CDH23: variants seen among roughly 807,000 people sequenced by gnomAD.
The protein encoded by CDH23 is cadherin-23.
Under a neutral mutation model 317.1 loss-of-function variants are expected in CDH23, and 189 were observed. That is an observed-to-expected ratio of 0.60 (90% CI 0.53 to 0.67). CDH23 has a LOEUF of 0.67. Ranked by LOEUF, CDH23 falls within the 30% of genes least tolerant of loss-of-function variation. CDH23 has a pLI of 0.00. For missense variants in CDH23, 4,401 were observed against 4,592.4 expected, an observed-to-expected ratio of 0.96 and a Z score of 1.20; for synonymous variants, 1,839 against 1,876.8, an observed-to-expected ratio of 0.98 and a Z score of 0.52.
intron 3 of CDH23, among the ~76,000 whole-genome samples, chr10:71,485,374 AG>A (rs2132125786): frequency 6.6e-6 from 1 of 152,216 alleles, no homozygotes; most frequent in East Asian, 1.9e-4. Context: ...GTGGTTGCAG[AG>A]TTGGTTGGCT....
chr10:71,461,622 A>G (rs1036647126), intron 3 of CDH23, among the ~76,000 whole-genome samples: 3 of 152,112 alleles, frequency 2.0e-5, no homozygotes, highest in Non-Finnish European at 4.4e-5. Context: ...GTACATCTCC[A>G]TGCACGGTCC....
chr10:71,665,968 T>G (rs1241698212), intron 14 of CDH23, among the ~76,000 whole-genome samples: 1 of 152,220 alleles, frequency 6.6e-6, no homozygotes, highest in Non-Finnish European at 1.5e-5. Context: ...GATTGAGAGA[T>G]ATTCTGAGGC....
intron 44 of CDH23, 85 bp downstream of exon 44, chr10:71,785,823 T>C: frequency 1.2e-6 from 1 of 842,212 alleles, no homozygotes; most frequent in Non-Finnish European, 2.0e-6. Flanking sequence ...GCAGGCAGCA[T>C]AGCCAGGCTT....
chr10:71,449,488 T>C (rs987039737), intron 3 of CDH23, among the ~76,000 whole-genome samples: 8 of 152,162 alleles, frequency 5.3e-5, no homozygotes, highest in South Asian at 2.1e-4. Context: ...CTAATTCTGA[T>C]TGCTGGAGCC....
chr10:71,608,000 T>C (rs1169105385), intron 9 of CDH23, among the ~76,000 whole-genome samples: 1 of 152,236 alleles, frequency 6.6e-6, no homozygotes, highest in African/African-American at 2.4e-5. Flanking sequence ...ATAAGTGCCT[T>C]ACGTACATGA....
chr10:71,442,194 A>G (rs1849921114), intron 2 of CDH23, among the ~76,000 whole-genome samples: 3 of 152,234 alleles, frequency 2.0e-5, no homozygotes, highest in South Asian at 4.1e-4. Flanking sequence ...CAGCAATTCT[A>G]TGCCAAAGCG....
At chr10:71,459,960 C>T (rs1850897840) in intron 3 of CDH23, among the ~76,000 whole-genome samples, 1 of 152,202 alleles carries the variant, frequency 6.6e-6, no homozygotes, top group Admixed American at 6.5e-5. Context: ...TCCTGGTCAC[C>T]TTCCTGTGTT....
chr10:71,405,892 G>A (rs919076178), intron 1 of CDH23, among the ~76,000 whole-genome samples: 2 of 152,104 alleles, frequency 1.3e-5, no homozygotes, highest in Non-Finnish European at 2.9e-5. Context: ...CCCAACCTCC[G>A]TCTAGTTGGT....
At chr10:71,631,378 G>A (rs576482856) in intron 11 of CDH23, among the ~76,000 whole-genome samples, 5 of 152,206 alleles carry the variant, frequency 3.3e-5, no homozygotes, top group Non-Finnish European at 5.9e-5. Context: ...GGGGAGATGA[G>A]GATGACTGAG....
chr10:71,650,328 A>G (rs1033840779), intron 14 of CDH23, among the ~76,000 whole-genome samples: 5 of 152,344 alleles, frequency 3.3e-5, no homozygotes, highest in South Asian at 2.1e-4. Context: ...CTGTGAGGAA[A>G]GGTCCCCTGG....
rs2132819840 is a variant in CDH23 at position 71,730,489 on chromosome 10, C to T, written c.3600C>T (p.Asp1200=). ...SSVRVIVYVE[D]INDEAPVFTQ... ...CACAGGTGATTGTGTACGTGGAGGA[C>T]ATCAACGATGAGGCCCCCGTGTTCA... The change falls in exon 31 of 70, where the codon GAC becomes GAT. Residue 1200 remains aspartate, a synonymous_variant. Coordinates refer to ENST00000224721, the MANE Select transcript of CDH23 (RefSeq NM_022124.6). 6.2e-7 allele frequency: 1 copy of T among 1,613,874 alleles called. No individual in the cohort carries two copies. Among genetic ancestry groups the T allele is most frequent in the Non-Finnish European group, 8.5e-7 (1 of 1,179,878 alleles).
At chr10:71,682,335 G>A in intron 17 of CDH23, 110 bp from the exon 18 acceptor site, 1 of 1,421,906 alleles carries the variant, frequency 7.0e-7, no homozygotes, top group Non-Finnish European at 9.6e-7. Flanking sequence ...ACAAGCCAGA[G>A]CTGGCCCGGG....
chr10:71,814,693 C>CA lies in CDH23; in HGVS notation c.9739-257dup, dbSNP rs1554878673. Among the ~76,000 whole-genome samples the CA allele has an allele frequency of 1.5e-3, 182 of 120,334 alleles. 2 individuals are homozygous for CA. In the East Asian group the frequency reaches 0.019, roughly 13 times the overall value. 78.9% of individuals were successfully genotyped at this position (120,334 alleles called of 152,430 possible). A position where few individuals can be genotyped will look rare whatever the true frequency, so the allele number is the denominator to read the frequency against. ...CACAAGAAGCCGATACACACACACA[C>CA]AATTTTCACAAGAAGCCGATACACA... On this transcript the variant is annotated intron_variant, in intron 69 of 69. Transcript: ENST00000224721.
chr10:71,535,056 G>C lies in CDH23; in HGVS notation c.429+23844G>C, dbSNP rs149554586. Among the ~76,000 whole-genome samples, 65 of 152,350 alleles carry C rather than the reference G, an allele frequency of 4.3e-4. 1 individual carries two copies. In the East Asian group the frequency reaches 0.012, roughly 28 times the overall value. ...GCCTGTGCCCTCCGCGGCTCTTCAGGGAAGCATGGCTGACTGCCTGCTCCA... is the reference window on the plus strand; with the variant it reads ...GCCTGTGCCCTCCGCGGCTCTTCAGCGAAGCATGGCTGACTGCCTGCTCCA... On this transcript the variant is annotated intron_variant, in intron 6 of 69. Transcript: ENST00000224721.
intron 66 of CDH23, 37 bp from the exon 67 acceptor site, chr10:71,812,443 T>TACCCA: frequency 6.5e-7 from 1 of 1,538,034 alleles, no homozygotes; most frequent in Non-Finnish European, 8.9e-7. Flanking sequence ...ACTCGAGCCT[T>TACCCA]CCCTCCCTCC....
chr10:71,586,748 A>T (rs1477255835), intron 9 of CDH23, among the ~76,000 whole-genome samples: 2 of 152,188 alleles, frequency 1.3e-5, no homozygotes, highest in Non-Finnish European at 2.9e-5. Flanking sequence ...TATCGCATAT[A>T]TGTGGATGAC....
chr10:71,497,308 G>GA (rs11399743), intron 3 of CDH23, among the ~76,000 whole-genome samples: 2,586 of 151,664 alleles, frequency 0.017, 59 homozygotes, highest in African/African-American at 0.054. Context: ...CAGGAGAGGG[G>GA]AAAAAAAACA....
chr10:71,760,634 C>T (rs10999987), intron 38 of CDH23: 113,489 of 509,142 alleles, frequency 0.22, 13,469 homozygotes, highest in Non-Finnish European at 0.25. Flanking sequence ...CAAGGCACAG[C>T]CACTCCAGAG....
rs1193969874 is a variant in CDH23, at chr10:71,427,246, G to GAAAGAAA, written c.-5-12581_-5-12580insAAAGAAA. On this transcript the variant is annotated intron_variant, in intron 1 of 69. Coordinates refer to ENST00000224721, the MANE Select transcript of CDH23 (RefSeq NM_022124.6). ...GAAAGAAAGAAAGAAAGAAAGAAAG[G>GAAAGAAA]GAAAGAAAGAAAGAGAAAGAGAGAA... Among the ~76,000 whole-genome samples the GAAAGAAA allele has an allele frequency of 2.8e-3, 49 of 17,306 alleles. 1 individual carries two copies. Among genetic ancestry groups the GAAAGAAA allele is most frequent in the African/African-American group, 7.4e-3 (47 of 6,364 alleles). The allele number at this position is 17,306 out of a possible 152,430, so 11.4% of individuals were successfully genotyped here.
Sources: gnomAD v4.1 joint callset for allele counts (sites outside exome capture counted in the v4.1 genomes callset) on GRCh38, gnomAD v4.1.1 for gene constraint, MANE v1.5 for transcripts, NCBI Gene and HGNC (gene_info 2026-07-23, HGNC 2026-07-21) for gene names.